The following ADCK1 variants were observed in gnomAD, a reference collection of about 807,000 sequenced individuals.
ADCK1 encodes the protein aarF domain containing kinase 1, also known as aarF domain-containing protein kinase 1.
Under a neutral mutation model 52.3 loss-of-function variants are expected in ADCK1, and 41 were observed. The ratio of observed to expected loss-of-function variants is 0.78; its 90% CI spans 0.61 to 1.02. The LOEUF (loss-of-function observed/expected upper bound fraction) is 1.02, where lower values mean the gene tolerates loss of function less well. Ranked by LOEUF, ADCK1 falls within the 50% of genes least tolerant of loss-of-function variation. ADCK1 has a pLI of 0.00. For synonymous variants in ADCK1, 250 were observed against 274.6 expected (o/e 0.91, Z 0.89); for missense variants, 658 against 679.5 (o/e 0.97, Z 0.35).
At chr14:77,861,387 T>G (rs1447631081) in intron 4 of ADCK1, among the ~76,000 whole-genome samples, 2 of 151,634 alleles carry the variant, frequency 1.3e-5, no homozygotes, top group Admixed American at 1.3e-4. Flanking sequence ...CGGGGCCATG[T>G]GGGAAGAAGG....
chr14:77,863,877 A>C (rs1433917892), intron 4 of ADCK1, among the ~76,000 whole-genome samples: 1 of 152,032 alleles, frequency 6.6e-6, no homozygotes, highest in East Asian at 1.9e-4. Context: ...TCTGTCCTAG[A>C]ATATAGTTAT....
chr14:77,822,284 A>G (rs1157495907), intron 2 of ADCK1, 151 bp from the exon 3 acceptor site: 5 of 641,302 alleles, frequency 7.8e-6, no homozygotes, highest in Non-Finnish European at 1.4e-5. Flanking sequence ...GCTAGCTAGA[A>G]TAAGATCCAG....
At chr14:77,809,370 C>A (rs2081290687) in intron 1 of ADCK1, among the ~76,000 whole-genome samples, 1 of 152,048 alleles carries the variant, frequency 6.6e-6, no homozygotes, top group Admixed American at 6.6e-5. Flanking sequence ...GCTCTTGTTG[C>A]CCAGGCTGGA....
intron 1 of ADCK1, among the ~76,000 whole-genome samples, chr14:77,801,210 T>TTACC (rs1428080182): frequency 6.6e-6 from 1 of 152,218 alleles, no homozygotes; most frequent in Non-Finnish European, 1.5e-5. Flanking sequence ...TCTGTAAGTC[T>TTACC]GGTATGAGGA....
intron 5 of ADCK1, among the ~76,000 whole-genome samples, chr14:77,893,048 CTT>C (rs1256701209): frequency 6.6e-6 from 1 of 152,178 alleles, no homozygotes; most frequent in East Asian, 1.9e-4. Context: ...GTGTCGATGA[CTT>C]TGCACAAAAG....
At position 77,887,238 on chromosome 14, in the gene ADCK1, C is replaced by A. The variant is rs769331279; in HGVS notation, c.571C>A (p.Leu191Ile). 1.3e-6 allele frequency: 2 copies of A among 1,581,144 alleles called. No homozygotes were observed. Among genetic ancestry groups the A allele is most frequent in the East Asian group, 4.6e-5 (2 of 43,062 alleles). ...GCGGGCTCAGAGCTCGAAGGACATT[C>A]TCCTGATGGAGGTGAGAGCCCTCCC... Reference protein sequence around the residue: ...KVRAQSSKDILLMEVLVLAVK... With the variant: ...KVRAQSSKDIILMEVLVLAVK... Residue 191 changes from leucine to isoleucine, a missense_variant, in exon 5 of 11, where the codon CTC (leucine) becomes ATC (isoleucine). Coordinates refer to ENST00000238561, the MANE Select transcript of ADCK1 (RefSeq NM_020421.4).
chr14:77,896,565 C>T (rs1445478270), intron 5 of ADCK1, among the ~76,000 whole-genome samples: 2 of 152,348 alleles, frequency 1.3e-5, no homozygotes, highest in Admixed American at 1.3e-4. Context: ...TCCGCCTGGG[C>T]CTGGGGGAAT....
intron 3 of ADCK1, among the ~76,000 whole-genome samples, chr14:77,824,436 CTT>C (rs755099441): frequency 1.7e-4 from 23 of 133,914 alleles, no homozygotes; most frequent in South Asian, 2.3e-4. Flanking sequence ...TTCTTTCTTT[CTT>C]TTTTTTTTTT....
At chr14:77,864,517 A>G (rs1322008000) in intron 4 of ADCK1, among the ~76,000 whole-genome samples, 1 of 152,036 alleles carries the variant, frequency 6.6e-6, no homozygotes, top group African/African-American at 2.4e-5. Flanking sequence ...GAGGGGGTAA[A>G]AGGTGCCCTC....
At chr14:77,807,365 G>C (rs1193649362) in intron 1 of ADCK1, among the ~76,000 whole-genome samples, 1 of 151,910 alleles carries the variant, frequency 6.6e-6, no homozygotes, top group African/African-American at 2.4e-5. Context: ...ACCGCGCCCG[G>C]CCTGGAGACA....
chr14:77,920,704 A>C (rs2084029079), intron 7 of ADCK1, among the ~76,000 whole-genome samples: 1 of 152,192 alleles, frequency 6.6e-6, no homozygotes, highest in Non-Finnish European at 1.5e-5. Context: ...GCTGGAGTAC[A>C]GTGGTGCCAT....
At chr14:77,832,151 T>C (rs1472676214) in intron 3 of ADCK1, among the ~76,000 whole-genome samples, 3 of 152,172 alleles carry the variant, frequency 2.0e-5, no homozygotes, top group Non-Finnish European at 4.4e-5. Context: ...CTAATTTTTG[T>C]ATTTTTAGTA....
At chr14:77,916,130 A>G (rs1290487271) in intron 7 of ADCK1, among the ~76,000 whole-genome samples, 1 of 152,154 alleles carries the variant, frequency 6.6e-6, no homozygotes, top group African/African-American at 2.4e-5. Flanking sequence ...AAGATAGGAA[A>G]GTATTTCTTT....
rs1475877145 is a variant in ADCK1 at position 77,923,778 on chromosome 14, G to T, written c.859-679G>T. 1.3e-5 allele frequency: 2 copies of T among 152,298 alleles called. No individual in the cohort carries two copies. The highest frequency in any genetic ancestry group is 2.9e-5 in the Non-Finnish European group (2 of 68,100). The allele number at this position is 152,298 out of a possible 1,614,324, so 9.4% of individuals were successfully genotyped here. A position where few individuals can be genotyped will look rare whatever the true frequency, so the allele number is the denominator to read the frequency against. ...AGAGATAAGAAGACTGCCTCGTCAG[G>T]GAGAGCAGCAGTGACAGGATGATTT... On this transcript the variant is annotated intron_variant, in intron 7 of 10. Coordinates refer to ENST00000238561, the MANE Select transcript of ADCK1 (RefSeq NM_020421.4). This position sits in a 1 kb window ranked among gnomAD's most constrained non-coding sequence, Gnocchi z 4.3.
chr14:77,920,679 C>T (rs775159266), intron 7 of ADCK1, among the ~76,000 whole-genome samples: 35 of 152,218 alleles, frequency 2.3e-4, no homozygotes, highest in Admixed American at 1.3e-3. Context: ...GAGAAGGTCT[C>T]GCTGTATCAC....
chr14:77,844,803 C>T (rs1418437264), intron 3 of ADCK1, among the ~76,000 whole-genome samples: 2 of 152,174 alleles, frequency 1.3e-5, no homozygotes, highest in Non-Finnish European at 2.9e-5. Context: ...AGTCAGAAGA[C>T]ACCTTAGAAA....
chr14:77,933,153 A>G, intron 10 of ADCK1, 67 bp from the exon 11 acceptor site: 2 of 1,532,110 alleles, frequency 1.3e-6, no homozygotes, highest in Non-Finnish European at 1.8e-6. Context: ...AGTTTTTCTA[A>G]ATGATACAGA....
chr14:77,876,606 G>C (rs773122291), intron 4 of ADCK1, among the ~76,000 whole-genome samples: 1 of 152,190 alleles, frequency 6.6e-6, no homozygotes, highest in Non-Finnish European at 1.5e-5. Context: ...CCTCTGTAGT[G>C]GTGGCACAAG....
chr14:77,865,344 G>A (rs1479916176), intron 4 of ADCK1, among the ~76,000 whole-genome samples: 1 of 152,102 alleles, frequency 6.6e-6, no homozygotes. Context: ...TTAGCCAAGT[G>A]TGGTGGTGCA....
Sources: gnomAD v4.1 joint callset for allele counts (sites outside exome capture counted in the v4.1 genomes callset) on GRCh38, gnomAD v4.1.1 for gene constraint, Gnocchi (gnomAD v3.1) non-coding constraint, MANE v1.5 for transcripts, NCBI Gene and HGNC (gene_info 2026-07-23, HGNC 2026-07-21) for gene names.